Variants in GPR39 observed in about 807,000 individuals in gnomAD.
GPR39 encodes the protein G protein-coupled receptor 39, also known as zinc sensing receptor.
In GPR39, 23 loss-of-function variants were observed where a neutral mutation model predicts 18.4. The ratio of observed to expected loss-of-function variants is 1.25; its 90% confidence interval spans 0.90 to 1.77. GPR39 has a LOEUF of 1.77. Ranked by LOEUF, GPR39 falls within the 40% of genes most tolerant of loss-of-function variation. The pLI is 0.00. For missense variants in GPR39, 647 were observed against 602.4 expected (o/e 1.07, Z -0.78); for synonymous variants, 280 against 257.9 (o/e 1.09, Z -0.82).
At chr2:132,506,812 C>T (rs564185409) in intron 1 of GPR39, among the ~76,000 whole-genome samples, 1 of 152,204 alleles carries the variant, frequency 6.6e-6, no homozygotes, top group East Asian at 1.9e-4. Flanking sequence ...AGGGACACAG[C>T]CAAACCATAT....
At chr2:132,442,839 T>C (rs1558800008) in intron 1 of GPR39, among the ~76,000 whole-genome samples, 1 of 152,200 alleles carries the variant, frequency 6.6e-6, no homozygotes, top group Non-Finnish European at 1.5e-5. Flanking sequence ...CTGAGGAACA[T>C]TTTTTCAACA....
At chr2:132,622,220 C>T in intron 1 of GPR39, among the ~76,000 whole-genome samples, 1 of 152,140 alleles carries the variant, frequency 6.6e-6, no homozygotes, top group East Asian at 1.9e-4. Context: ...ATGGTGACAC[C>T]CTGTCTCTCC....
chr2:132,629,929 T>G (rs561289109), intron 1 of GPR39, among the ~76,000 whole-genome samples: 1 of 152,338 alleles, frequency 6.6e-6, no homozygotes, highest in African/African-American at 2.4e-5. Context: ...TGTCCACTCA[T>G]TTTCTTTGCA....
intron 1 of GPR39, among the ~76,000 whole-genome samples, chr2:132,635,748 C>A (rs1009213969): frequency 6.6e-6 from 1 of 152,124 alleles, no homozygotes; most frequent in Non-Finnish European, 1.5e-5. Flanking sequence ...AACCCCAAAT[C>A]TGACTGTATT....
intron 1 of GPR39, among the ~76,000 whole-genome samples, chr2:132,483,515 T>C (rs1681274047): frequency 6.6e-6 from 1 of 152,228 alleles, no homozygotes; most frequent in South Asian, 2.1e-4. Flanking sequence ...CTCTCTATCA[T>C]TCAGGCCGTG....
intron 1 of GPR39, among the ~76,000 whole-genome samples, chr2:132,632,590 T>C (rs1017608950): frequency 4.6e-5 from 7 of 152,212 alleles, no homozygotes; most frequent in African/African-American, 1.2e-4. Context: ...GGCTGCCTGG[T>C]CAAACTTCTG....
intron 1 of GPR39, among the ~76,000 whole-genome samples, chr2:132,591,200 G>A (rs1456065011): frequency 5.6e-5 from 8 of 142,756 alleles, no homozygotes; most frequent in African/African-American, 2.1e-4. Context: ...GCAGTGAGCC[G>A]AGATTGCGCC....
intron 1 of GPR39, among the ~76,000 whole-genome samples, chr2:132,472,237 G>A (rs578056229): frequency 6.6e-5 from 10 of 152,300 alleles, no homozygotes; most frequent in East Asian, 3.9e-4. Context: ...TTTATCTGGA[G>A]TAGATTCTCT....
chr2:132,448,345 T>G (rs1680574839), intron 1 of GPR39, among the ~76,000 whole-genome samples: 1 of 152,204 alleles, frequency 6.6e-6, no homozygotes, highest in South Asian at 2.1e-4. Flanking sequence ...CAGGAAGTAA[T>G]TGATGGCTAG....
intron 1 of GPR39, among the ~76,000 whole-genome samples, chr2:132,442,223 A>G (rs975183893): frequency 6.6e-6 from 1 of 152,216 alleles, no homozygotes; most frequent in African/African-American, 2.4e-5. Flanking sequence ...ATAGAAAAAC[A>G]CAAATCGTGA....
At position 132,417,576 on chromosome 2, in the gene GPR39, C is replaced by A; in HGVS notation, c.534C>A (p.Tyr178Ter). 6.2e-7 allele frequency: 1 copy of A among 1,614,098 alleles called. No individual in the cohort carries two copies. The highest frequency in any genetic ancestry group is 8.5e-7 in the Non-Finnish European group (1 of 1,180,012). The change falls in exon 1 of 2, where the codon TAC becomes TAA. Residue 178 changes from tyrosine (Y) to a stop codon, truncating the protein, a stop_gained. Transcript: ENST00000329321. LOFTEE classifies it high-confidence loss of function. ...LPLLFAMGTE[Y>*]PLVNVPSHRG... is the part of the protein sequence containing the mutation. ...TGCTGTTTGCCATGGGTACTGAGTACCCCCTGGTGAACGTGCCCAGCCACC... is the reference window on the plus strand; with the variant it reads ...TGCTGTTTGCCATGGGTACTGAGTAACCCCTGGTGAACGTGCCCAGCCACC...
chr2:132,563,812 G>C (rs953094095), intron 1 of GPR39, among the ~76,000 whole-genome samples: 1 of 151,728 alleles, frequency 6.6e-6, no homozygotes, highest in African/African-American at 2.4e-5. Context: ...GATTTAAATA[G>C]GTGGCCTGGG....
At chr2:132,423,315 T>A (rs1680050298) in intron 1 of GPR39, among the ~76,000 whole-genome samples, 1 of 150,214 alleles carries the variant, frequency 6.7e-6, no homozygotes, top group East Asian at 1.9e-4. Context: ...TGGTGTCTCT[T>A]GCTCTTCTTA....
intron 1 of GPR39, among the ~76,000 whole-genome samples, chr2:132,611,628 GA>G (rs35004928): frequency 2.2e-4 from 31 of 144,068 alleles, no homozygotes; most frequent in Middle Eastern, 3.6e-3. Context: ...TTGATTTGCA[GA>G]AAAAAAAAAA....
intron 1 of GPR39, among the ~76,000 whole-genome samples, chr2:132,634,554 G>C (rs1681714372): frequency 6.6e-6 from 1 of 152,202 alleles, no homozygotes; most frequent in Non-Finnish European, 1.5e-5. Flanking sequence ...GATGGAAATT[G>C]AGGGTTATAA....
chr2:132,625,734 T>C (rs144895121), intron 1 of GPR39, among the ~76,000 whole-genome samples: 37 of 152,332 alleles, frequency 2.4e-4, no homozygotes, highest in Non-Finnish European at 3.1e-4. Flanking sequence ...CTGTTTTCTA[T>C]ATGTCTGTGA....
At chr2:132,484,557 G>A (rs1191237607) in intron 1 of GPR39, among the ~76,000 whole-genome samples, 1 of 152,082 alleles carries the variant, frequency 6.6e-6, no homozygotes, top group Non-Finnish European at 1.5e-5. Context: ...CATCCAAAAT[G>A]GGAACTATAA....
At chr2:132,539,429 A>G (rs1008472636) in intron 1 of GPR39, among the ~76,000 whole-genome samples, 1 of 152,082 alleles carries the variant, frequency 6.6e-6, no homozygotes, top group African/African-American at 2.4e-5. Context: ...CGGAATGCAG[A>G]AATCACCTGC....
At chr2:132,627,763 G>C (rs562752919) in intron 1 of GPR39, among the ~76,000 whole-genome samples, 2 of 152,274 alleles carry the variant, frequency 1.3e-5, no homozygotes, top group South Asian at 4.1e-4. Context: ...CTCGGCCGTG[G>C]GGGAGGAGAA....
Sources: allele counts gnomAD v4.1 joint callset (sites outside exome capture counted in the v4.1 genomes callset), GRCh38; gene constraint gnomAD v4.1.1; transcripts MANE v1.5; gene names NCBI Gene and HGNC (gene_info 2026-07-23, HGNC 2026-07-21).